The following CA6 variants were observed in gnomAD, a reference collection of about 807,000 sequenced individuals.
CA6 encodes carbonic anhydrase 6.
CA6 carries 28 observed loss-of-function variants against 35.9 expected under a neutral mutation model. The observed-to-expected ratio is 0.78, with a 90% CI of 0.58 to 1.07. The LOEUF is 1.07. Among genes scored for constraint, CA6 ranks in the 50% least tolerant of loss-of-function variants. The pLI is 0.00. For missense variants in CA6, 377 were observed against 382.0 expected (o/e 0.99, Z 0.11); for synonymous variants, 148 against 152.6 (o/e 0.97, Z 0.22).
At chr1:8,961,448 A>G (rs1023161070) in intron 4 of CA6, among the ~76,000 whole-genome samples, 8 of 152,350 alleles carry the variant, frequency 5.3e-5, no homozygotes, top group Non-Finnish European at 1.0e-4. Flanking sequence ...GCTCTTTTGA[A>G]GCAAAGTTGC....
At chr1:8,959,931 C>CAAAA (rs373250863) in intron 4 of CA6, among the ~76,000 whole-genome samples, 3 of 75,184 alleles carry the variant, frequency 4.0e-5, no homozygotes, top group African/African-American at 2.0e-4. Flanking sequence ...GATTCTATCT[C>CAAAA]AAAAAAAAAA....
intron 6 of CA6, among the ~76,000 whole-genome samples, chr1:8,970,326 C>T (rs1033988822): frequency 6.6e-6 from 1 of 151,684 alleles, no homozygotes; most frequent in Non-Finnish European, 1.5e-5. Flanking sequence ...GACAAATACT[C>T]ATATAAAAAG....
intron 5 of CA6, among the ~76,000 whole-genome samples, chr1:8,964,651 C>T (rs938063986): frequency 3.3e-5 from 5 of 152,216 alleles, no homozygotes; most frequent in African/African-American, 1.2e-4. Flanking sequence ...TATCTCCTGA[C>T]CTTACCATTC....
At chr1:8,971,982 T>C (rs1640121576) in intron 7 of CA6, among the ~76,000 whole-genome samples, 1 of 152,222 alleles carries the variant, frequency 6.6e-6, no homozygotes, top group Middle Eastern at 3.2e-3. Flanking sequence ...CCATTCCTGA[T>C]ACCTTTATAT....
rs191534170 is a variant in CA6, at chr1:8,949,379, C to T, written c.196C>T (p.Leu66Phe). The stretch of plus-strand genomic sequence containing the variant: ...GCGGTACAACCCCTCCTTGAAGGGG[C>T]TCAATATGACAGGCTATGAGACCCA... ...KVRYNPSLKG[L>F]NMTGYETQAG... The change falls in exon 2 of 8, where the codon CTC becomes TTC. Residue 66 changes from leucine to phenylalanine, a missense_variant. Leu to Phe is a conservative substitution (Grantham distance 22, BLOSUM62 0). Transcript: ENST00000377443. The T allele has an allele frequency of 1.2e-6, 2 of 1,613,348 alleles. No homozygotes were observed. Among genetic ancestry groups the T allele is most frequent in the East Asian group, 4.5e-5 (2 of 44,844 alleles).
intron 7 of CA6, among the ~76,000 whole-genome samples, chr1:8,971,550 A>G (rs1311524259): frequency 6.6e-6 from 1 of 151,832 alleles, no homozygotes; most frequent in Non-Finnish European, 1.5e-5. Flanking sequence ...ACCTCAGGTG[A>G]TCTGCCCACC....
chr1:8,946,878 A>G (rs1557617192), intron 1 of CA6, among the ~76,000 whole-genome samples: 1 of 136,026 alleles, frequency 7.4e-6, no homozygotes. Flanking sequence ...ATCTCGGCTT[A>G]CTGCAACCTC....
At chr1:8,947,081 G>A (rs1639385941) in intron 1 of CA6, among the ~76,000 whole-genome samples, 1 of 152,082 alleles carries the variant, frequency 6.6e-6, no homozygotes, top group South Asian at 2.1e-4. Context: ...TGGGATTACA[G>A]GCGTGAGCCA....
At chr1:8,960,868 C>T (rs552310858) in intron 4 of CA6, among the ~76,000 whole-genome samples, 2 of 150,380 alleles carry the variant, frequency 1.3e-5, no homozygotes, top group Admixed American at 1.3e-4. Context: ...AAACAATGGC[C>T]CAAAAGCCTC....
chr1:8,959,311 T>A (rs968408233), intron 4 of CA6, among the ~76,000 whole-genome samples: 2 of 151,022 alleles, frequency 1.3e-5, no homozygotes, highest in Non-Finnish European at 2.9e-5. Context: ...CACCTCTGCA[T>A]TTCCTTTTTT....
At chr1:8,971,109 G>A (rs1640099157) in intron 7 of CA6, 128 bp downstream of exon 7, 2 of 690,418 alleles carry the variant, frequency 2.9e-6, no homozygotes, top group Non-Finnish European at 2.6e-6. Context: ...AGGCTCAGGT[G>A]GGCCAAGCTG....
intron 2 of CA6, among the ~76,000 whole-genome samples, chr1:8,955,565 C>T (rs1639652183): frequency 7.1e-6 from 1 of 140,690 alleles, no homozygotes; most frequent in African/African-American, 2.6e-5. Context: ...GGGAGCTCTG[C>T]TCGGGTCCTC....
chr1:8,960,746 A>T (rs1337288609), intron 4 of CA6, among the ~76,000 whole-genome samples: 1 of 40,698 alleles, frequency 2.5e-5, no homozygotes, highest in Admixed American at 3.0e-4. Context: ...GTATAGCAAC[A>T]CACACACACA....
intron 6 of CA6, 30 bp from the exon 7 acceptor site, chr1:8,970,837 C>T: frequency 7.7e-7 from 1 of 1,305,056 alleles, no homozygotes; most frequent in Non-Finnish European, 1.1e-6. Flanking sequence ...GTGACTCTTC[C>T]CCTCCATAAT....
intron 7 of CA6, chr1:8,974,204 G>T: frequency 1.8e-6 from 1 of 555,436 alleles, no homozygotes; most frequent in Non-Finnish European, 3.1e-6. Context: ...GTTCTGTAGA[G>T]AACTGTATCC....
chr1:8,964,195 T>G (rs571132685), intron 5 of CA6, among the ~76,000 whole-genome samples: 1 of 152,330 alleles, frequency 6.6e-6, no homozygotes, highest in East Asian at 1.9e-4. Context: ...GCTCAGGGCC[T>G]CCTTTCCTGC....
intron 2 of CA6, among the ~76,000 whole-genome samples, chr1:8,953,494 A>T (rs1639593514): frequency 6.6e-6 from 1 of 152,098 alleles, no homozygotes; most frequent in East Asian, 1.9e-4. Context: ...TGGCTCAAAC[A>T]TACAGTCCTG....
At chr1:8,974,555 C>A in intron 7 of CA6, 67 bp from the exon 8 acceptor site, 1 of 1,420,222 alleles carries the variant, frequency 7.0e-7, no homozygotes, top group Non-Finnish European at 9.8e-7. Context: ...TCTGGCCGTC[C>A]CCCTTCTCTG....
In CA6 at chr1:8,957,209, A is replaced by C. The variant is rs1639710709; in HGVS notation, c.332A>C (p.His111Pro). 2 of 1,613,946 alleles carry C rather than the reference A, an allele frequency of 1.2e-6. No individual in the cohort carries two copies. ...ACTGTATACATAGCCCAGCAGATGC[A>C]CTTTCACTGGGGAGGTGCGTCCTCG... is the stretch of plus-strand genomic sequence containing the variant. The part of the protein sequence containing the change: ...DGTVYIAQQM[H>P]FHWGGASSEI... Residue 111 changes from histidine to proline, a missense_variant, in exon 3 of 8, where the codon CAC (histidine) becomes CCC (proline). Transcript: ENST00000377443.
Sources: allele counts gnomAD v4.1 joint callset (sites outside exome capture counted in the v4.1 genomes callset), GRCh38; gene constraint gnomAD v4.1.1; transcripts MANE v1.5; gene names NCBI Gene and HGNC (gene_info 2026-07-23, HGNC 2026-07-21).